Variants in BORCS8 observed in about 807,000 individuals in gnomAD.
The protein encoded by BORCS8 is BLOC-1-related complex subunit 8.
Under a neutral mutation model 18.7 loss-of-function variants are expected in BORCS8, and 13 were observed. The ratio of observed to expected loss-of-function variants is 0.70; its 90% confidence interval spans 0.45 to 1.11. BORCS8 has a LOEUF of 1.11. Ranked by LOEUF, BORCS8 falls within the 50% of genes least tolerant of loss-of-function variation. The pLI is 0.00. For synonymous variants in BORCS8, 68 were observed against 64.8 expected, an observed-to-expected ratio of 1.05 and a Z score of -0.24; for missense variants, 165 against 165.7, an observed-to-expected ratio of 1.00 and a Z score of 0.02.
intron 1 of BORCS8, among the ~76,000 whole-genome samples, chr19:19,187,425 G>A (rs1488754547): frequency 6.7e-6 from 1 of 149,490 alleles, no homozygotes; most frequent in Non-Finnish European, 1.5e-5. Context: ...GCAGTGAGCT[G>A]ACGTCATGCC....
intron 3 of BORCS8, among the ~76,000 whole-genome samples, chr19:19,185,543 G>A (rs993333012): frequency 1.1e-4 from 16 of 152,238 alleles, no homozygotes; most frequent in African/African-American, 3.1e-4. Context: ...AAAATTAGCC[G>A]GGCAAGGTGG....
rs574557636 is a variant in BORCS8 at position 19,186,085 on chromosome 19, C to A, written c.164G>T (p.Arg55Leu). 30 of 1,550,542 alleles carry A rather than the reference C, an allele frequency of 1.9e-5. No individual in the cohort carries two copies. The highest frequency in any genetic ancestry group is 4.9e-5 in the East Asian group (2 of 40,894). ...ELAQHKADMQ[R>L]WEEQSQGAIY... ...GGCTCCCTGGCTCTGCTCCTCCCAA[C>A]GCTGCATGTCTGCCTGTAGGGGGCG... Residue 55 changes from arginine to leucine, a missense_variant, in exon 3 of 6, where the codon CGT (arginine) becomes CTT (leucine). Arg to Leu is a moderately radical substitution (Grantham distance 102, BLOSUM62 -2). Coordinates refer to ENST00000462790, the MANE Select transcript of BORCS8 (RefSeq NM_001145784.2).
intron 5 of BORCS8, chr19:19,180,357 G>A (rs2060336286): frequency 1.7e-5 from 6 of 361,622 alleles, no homozygotes; most frequent in African/African-American, 1.3e-4. Context: ...CAGGCTGCTG[G>A]CACGTGGTAG....
rs1438990030 is a variant in BORCS8 at position 19,192,074 on chromosome 19, G to A, written c.37+7C>T. The stretch of plus-strand genomic sequence containing the variant: ...CCCCCTCTGTCCCGCCCGCAGGCCC[G>A]CACCACCTTTCTTCCCCTTGAGCTG... On this transcript the variant is annotated splice_region_variant and intron_variant, in intron 1 of 5. Transcript: ENST00000462790. 3 of 1,551,032 alleles carry A rather than the reference G, an allele frequency of 1.9e-6. No individual in the cohort carries two copies. Among genetic ancestry groups the A allele is most frequent in the Non-Finnish European group, 1.7e-6 (2 of 1,146,738 alleles).
chr19:19,190,402 T>C (rs930897980), intron 1 of BORCS8, among the ~76,000 whole-genome samples: 5 of 152,178 alleles, frequency 3.3e-5, no homozygotes, highest in African/African-American at 1.2e-4. Flanking sequence ...AACACAAGTC[T>C]CTCCATCTCA....
intron 5 of BORCS8, chr19:19,178,613 C>A (rs771060784): frequency 6.6e-6 from 1 of 152,218 alleles, no homozygotes; most frequent in Non-Finnish European, 1.5e-5. Flanking sequence ...CTTGACCCTG[C>A]GAAGGTCACT....
rs1255765161 is a variant in BORCS8 at position 19,182,148 on chromosome 19, G to C, written c.326+425C>G. 2 of 679,276 alleles carry C rather than the reference G, an allele frequency of 2.9e-6. No individual in the cohort carries two copies. Among genetic ancestry groups the C allele is most frequent in the East Asian group, 1.3e-4 (1 of 7,448 alleles). The allele number at this position is 679,276 out of a possible 1,614,324, so 42.1% of individuals were successfully genotyped here. ...AACACTCCCAGGGATCCCAGCCCCA[G>C]AGCGTCTGCCCTCACCACTGCCCCA... On this transcript the variant is annotated intron_variant, in intron 4 of 5. Coordinates refer to ENST00000462790, the MANE Select transcript of BORCS8 (RefSeq NM_001145784.2). This position sits in a 1 kb window ranked among gnomAD's most constrained non-coding sequence, Gnocchi z 4.1.
At chr19:19,184,201 T>C (rs1349874600) in intron 3 of BORCS8, among the ~76,000 whole-genome samples, 1 of 151,770 alleles carries the variant, frequency 6.6e-6, no homozygotes, top group East Asian at 1.9e-4. Context: ...GAGTTAAAAT[T>C]GAAGTGTGCT....
chr19:19,186,890 C>T lies in BORCS8; in HGVS notation c.150+3G>A. 3.2e-6 allele frequency: 5 copies of T among 1,541,978 alleles called. No individual in the cohort carries two copies. The highest frequency in any genetic ancestry group is 4.4e-6 in the Non-Finnish European group (5 of 1,142,236). On this transcript the variant is annotated splice_donor_region_variant and intron_variant, in intron 2 of 5. Coordinates refer to ENST00000462790, the MANE Select transcript of BORCS8 (RefSeq NM_001145784.2). ...CTGCTCCTCCCAGCAGGCCCCAGCT[C>T]ACCTTGTGCTGGGCCAGCTCGGGGA...
At chr19:19,189,849 G>A (rs1418968251) in intron 1 of BORCS8, among the ~76,000 whole-genome samples, 2 of 152,080 alleles carry the variant, frequency 1.3e-5, no homozygotes, top group Non-Finnish European at 2.9e-5. Flanking sequence ...TCTGACAAGT[G>A]GAGGCTGCAG....
intron 1 of BORCS8, among the ~76,000 whole-genome samples, chr19:19,189,170 T>A (rs960208464): frequency 2.6e-5 from 4 of 151,834 alleles, no homozygotes; most frequent in Admixed American, 6.6e-5. Context: ...CATTACAGGG[T>A]CTGTTTCAAC....
At chr19:19,187,082 C>T in intron 1 of BORCS8, 77 bp from the exon 2 acceptor site, 3 of 1,153,314 alleles carry the variant, frequency 2.6e-6, no homozygotes, top group Admixed American at 2.2e-5. Context: ...GTGTTGAGCC[C>T]AGCCAGAGCA....
chr19:19,181,883 T>A (rs1431462210), intron 4 of BORCS8: 12 of 985,330 alleles, frequency 1.2e-5, no homozygotes, highest in Non-Finnish European at 1.4e-5. Flanking sequence ...GAGTGTGTGT[T>A]CATAAGCGTG....
chr19:19,186,439 T>C (rs761704480), intron 2 of BORCS8, among the ~76,000 whole-genome samples: 2 of 152,192 alleles, frequency 1.3e-5, no homozygotes, highest in Non-Finnish European at 2.9e-5. Flanking sequence ...ATAATCCCCA[T>C]GTGTTGTGAG....
chr19:19,191,896 G>T (rs1309574776), intron 1 of BORCS8, among the ~76,000 whole-genome samples, 185 bp downstream of exon 1: 1 of 152,144 alleles, frequency 6.6e-6, no homozygotes, highest in Admixed American at 6.6e-5. Flanking sequence ...ACAATCCTGG[G>T]GGGACCGGTA....
intron 5 of BORCS8, chr19:19,177,730 A>T (rs2060313137): frequency 5.7e-6 from 1 of 176,264 alleles, no homozygotes; most frequent in Non-Finnish European, 1.1e-5. Context: ...AAAGAAAAGA[A>T]AAGAAAAGAA....
intron 1 of BORCS8, among the ~76,000 whole-genome samples, chr19:19,190,810 A>C (rs1199807182): frequency 6.6e-6 from 1 of 152,028 alleles, no homozygotes; most frequent in African/African-American, 2.4e-5. Flanking sequence ...AAGAAGAAGA[A>C]AGGTGAGCAT....
At chr19:19,180,664 C>T (rs746532733) in intron 5 of BORCS8, 22 bp downstream of exon 5, 19 of 1,483,034 alleles carry the variant, frequency 1.3e-5, no homozygotes, top group East Asian at 4.9e-5. Flanking sequence ...GAGAGAGGCT[C>T]GTGGCTACCC....
intron 5 of BORCS8, 60 bp downstream of exon 5, chr19:19,180,626 G>A: frequency 8.4e-7 from 1 of 1,191,102 alleles, no homozygotes; most frequent in African/African-American, 1.5e-5. Flanking sequence ...TGGCTGCCAA[G>A]CGGGCGGGTT....
Sources: allele counts gnomAD v4.1 joint callset (sites outside exome capture counted in the v4.1 genomes callset), GRCh38; gene constraint gnomAD v4.1.1; non-coding constraint Gnocchi (gnomAD v3.1); transcripts MANE v1.5; gene names NCBI Gene and HGNC (gene_info 2026-07-23, HGNC 2026-07-21).